Variants in CDA observed in about 807,000 individuals in gnomAD.
CDA encodes cytidine aminohydrolase.
In CDA, 7 loss-of-function variants were observed where a neutral mutation model predicts 15.0. That is an observed-to-expected ratio of 0.47 (90% confidence interval 0.26 to 0.87). The LOEUF (loss-of-function observed/expected upper bound fraction) is 0.87. CDA is among the 40% of genes least tolerant of loss of function. CDA has a pLI of 0.15. For synonymous variants in CDA, 58 were observed against 73.0 expected (o/e 0.79, Z 1.05); for missense variants, 159 against 182.7 (o/e 0.87, Z 0.75).
intron 1 of CDA, 86 bp from the exon 2 acceptor site, chr1:20,604,842 T>C (rs1458131609): frequency 1.1e-6 from 1 of 903,908 alleles, no homozygotes; most frequent in South Asian, 1.4e-5. Flanking sequence ...TCCTTCCTGC[T>C]TTGGAATGGG....
At chr1:20,599,371 C>G (rs1003441277) in intron 1 of CDA, among the ~76,000 whole-genome samples, 1 of 152,122 alleles carries the variant, frequency 6.6e-6, no homozygotes. Flanking sequence ...GTAATCCCAG[C>G]ACTTTGGGAG....
chr1:20,609,275 G>T (rs1435452795), intron 2 of CDA, among the ~76,000 whole-genome samples: 1 of 152,134 alleles, frequency 6.6e-6, no homozygotes, highest in African/African-American at 2.4e-5. Context: ...ATGAGGTCAG[G>T]AGATCGAGAC....
At chr1:20,609,620 G>A (rs2052727973) in intron 2 of CDA, among the ~76,000 whole-genome samples, 1 of 152,172 alleles carries the variant, frequency 6.6e-6, no homozygotes, top group African/African-American at 2.4e-5. Flanking sequence ...CCTTTGTTAC[G>A]GCATTTGTGT....
At position 20,610,261 on chromosome 1, in the gene CDA, C is replaced by CTTTTT. The variant is rs760754305; in HGVS notation, c.267-3573_267-3569dup. ...CTGGCACATTCTAGGCACACATTAT[C>CTTTTT]TTTTTTTTTTTTATTTTATTTTATT... On this transcript the variant is annotated intron_variant, in intron 2 of 3. Transcript: ENST00000375071. Among the ~76,000 whole-genome samples, 185 of 62,826 alleles carry CTTTTT rather than the reference C, an allele frequency of 2.9e-3. 13 individuals carry two copies. Among genetic ancestry groups the CTTTTT allele is most frequent in the Non-Finnish European group, 6.0e-3 (140 of 23,256 alleles). The allele number at this position is 62,826 out of a possible 152,430, so 41.2% of individuals were successfully genotyped here.
At chr1:20,616,618 T>C (rs988486135) in intron 3 of CDA, among the ~76,000 whole-genome samples, 1 of 152,168 alleles carries the variant, frequency 6.6e-6, no homozygotes, top group African/African-American at 2.4e-5. Flanking sequence ...CGTGGTCCAA[T>C]TGCTCAGTGC....
At position 20,597,055 on chromosome 1, in the gene CDA, C is replaced by G. The variant is rs2052597324; in HGVS notation, c.154+7772C>G. On this transcript the variant is annotated intron_variant, in intron 1 of 3. Coordinates refer to ENST00000375071, the MANE Select transcript of CDA (RefSeq NM_001785.3). ...GGGATTACAGGCGTGAGCCACCACA[C>G]TCAGTCTTGCTGATGTCTTAATAAC... Among the ~76,000 whole-genome samples, 3 of 152,202 alleles carry G rather than the reference C, an allele frequency of 2.0e-5. No individual in the cohort carries two copies. The South Asian group carries it at 6.2e-4, about 31-fold the overall frequency.
intron 1 of CDA, among the ~76,000 whole-genome samples, chr1:20,592,913 C>T (rs2052560916): frequency 6.6e-6 from 1 of 152,056 alleles, no homozygotes; most frequent in South Asian, 2.1e-4. Context: ...GACAACATGG[C>T]AAGACGTCGT....
chr1:20,597,912 G>C (rs1405618337), intron 1 of CDA, among the ~76,000 whole-genome samples: 2 of 142,192 alleles, frequency 1.4e-5, no homozygotes, highest in East Asian at 4.1e-4. Flanking sequence ...TTTTTTTTGA[G>C]CTAGAAAATT....
intron 1 of CDA, among the ~76,000 whole-genome samples, chr1:20,595,655 C>G (rs2052585792): frequency 6.6e-6 from 1 of 152,178 alleles, no homozygotes; most frequent in Non-Finnish European, 1.5e-5. Context: ...GCCTAGGCAA[C>G]AGGGTGAAAC....
At chr1:20,600,575 G>A (rs1474024730) in intron 1 of CDA, among the ~76,000 whole-genome samples, 1 of 152,014 alleles carries the variant, frequency 6.6e-6, no homozygotes, top group Non-Finnish European at 1.5e-5. Context: ...GAACAACATG[G>A]TGAAACCCCA....
intron 1 of CDA, among the ~76,000 whole-genome samples, chr1:20,600,712 C>G (rs1276175821): frequency 6.8e-6 from 1 of 146,262 alleles, no homozygotes; most frequent in African/African-American, 2.5e-5. Flanking sequence ...TGAGATTGTG[C>G]CACTACACTC....
intron 1 of CDA, among the ~76,000 whole-genome samples, chr1:20,597,950 G>A (rs1331346888): frequency 6.6e-6 from 1 of 150,630 alleles, no homozygotes; most frequent in Non-Finnish European, 1.5e-5. Flanking sequence ...TTTGTTACAG[G>A]CTCCAAATAC....
chr1:20,605,757 G>A lies in CDA; in HGVS notation c.266+718G>A, dbSNP rs564041259. Among the ~76,000 whole-genome samples, 53 of 122,122 alleles carry A rather than the reference G, an allele frequency of 4.3e-4. 4 individuals are homozygous for A. The highest frequency in any genetic ancestry group is 1.4e-3 in the African/African-American group (48 of 34,928). 80.1% of individuals were successfully genotyped at this position (122,122 alleles called of 152,430 possible). On this transcript the variant is annotated intron_variant, in intron 2 of 3. Coordinates refer to ENST00000375071, the MANE Select transcript of CDA (RefSeq NM_001785.3). ...GAGGATCACTTGAGCCTGGGAGTTC[G>A]AGGCTGGAATGAGCCATGATTATGC...
chr1:20,613,946 G>T (rs769424772), intron 3 of CDA, 47 bp downstream of exon 3: 8 of 1,568,934 alleles, frequency 5.1e-6, no homozygotes, highest in Middle Eastern at 2.0e-4. Flanking sequence ...CTTCCCTGTC[G>T]CAGGCTATGG....
intron 1 of CDA, among the ~76,000 whole-genome samples, chr1:20,600,753 CAAAAAAA>C (rs5772908): frequency 2.0e-4 from 24 of 121,130 alleles, no homozygotes; most frequent in Admixed American, 3.5e-4. Flanking sequence ...GACTCTGTCT[CAAAAAAA>C]AAAAAAAAAG....
rs2052840170 is a variant in CDA at position 20,618,509 on chromosome 1, A to T, written c.382A>T (p.Thr128Ser). The stretch of plus-strand genomic sequence containing the variant: ...GCCGGATGGTACGTATATTGTCATG[A>T]CGGTCCAGGAGCTGCTGCCCTCCTC... ...TKPDGTYIVM[T>S]VQELLPSSFG... The change falls in exon 4 of 4, where the codon ACG becomes TCG. Residue 128 changes from threonine (T) to serine (S), a missense_variant. Transcript: ENST00000375071. 2 of 1,613,802 alleles carry T rather than the reference A, an allele frequency of 1.2e-6. No individual in the cohort carries two copies.
chr1:20,598,385 A>G (rs1163511530), intron 1 of CDA, among the ~76,000 whole-genome samples: 1 of 152,258 alleles, frequency 6.6e-6, no homozygotes, highest in Non-Finnish European at 1.5e-5. Flanking sequence ...CTAGACACCA[A>G]CTTGCCAACA....
At chr1:20,600,666 A>T (rs961199132) in intron 1 of CDA, among the ~76,000 whole-genome samples, 1 of 151,394 alleles carries the variant, frequency 6.6e-6, no homozygotes, top group Non-Finnish European at 1.5e-5. Flanking sequence ...TGAGATGAGA[A>T]TCACTTGAAC....
intron 1 of CDA, among the ~76,000 whole-genome samples, chr1:20,592,287 T>C (rs2052556472): frequency 6.6e-6 from 1 of 152,158 alleles, no homozygotes; most frequent in Non-Finnish European, 1.5e-5. Flanking sequence ...GCTGAGTATG[T>C]AGAATTTCAC....
Sources: allele counts gnomAD v4.1 joint callset (sites outside exome capture counted in the v4.1 genomes callset), GRCh38; gene constraint gnomAD v4.1.1; transcripts MANE v1.5; gene names NCBI Gene and HGNC (gene_info 2026-07-23, HGNC 2026-07-21).